The following PUDP variants were observed in gnomAD, a reference collection of about 807,000 sequenced individuals.
PUDP encodes the protein pseudouridine 5'-phosphatase, also known as pseudouridine-5'-phosphatase.
In PUDP, 8 loss-of-function variants were observed where a neutral mutation model predicts 9.4. That is an observed-to-expected ratio of 0.85 (90% CI 0.50 to 1.53). PUDP has a LOEUF of 1.53. Among genes scored for constraint, PUDP ranks in the 40% most tolerant of loss-of-function variants. The pLI, the probability that PUDP is intolerant of heterozygous loss-of-function variation, is 0.00. For missense variants in PUDP, 188 were observed against 189.7 expected, an observed-to-expected ratio of 0.99 and a Z score of 0.05; for synonymous variants, 99 against 80.7, an observed-to-expected ratio of 1.23 and a Z score of -1.22.
chrX:6,768,150 C>T (rs181687149), intron 3 of PUDP, among the ~76,000 whole-genome samples: 4 of 111,955 alleles, frequency 3.6e-5, no homozygotes, highest in East Asian at 2.8e-4. Context: ...CAACCAGGGG[C>T]GATTTTGTTC....
At chrX:6,714,971 A>G (rs1439667248) in intron 1 of PUDP, among the ~76,000 whole-genome samples, 3 of 100,657 alleles carry the variant, frequency 3.0e-5, no homozygotes, top group Admixed American at 1.1e-4. Flanking sequence ...ATGTGTGTGT[A>G]TGTGTGTGTG....
chrX:7,002,254 A>G (rs1032762598), intron 1 of PUDP, among the ~76,000 whole-genome samples: 4 of 112,228 alleles, frequency 3.6e-5, no homozygotes, highest in African/African-American at 1.3e-4. Context: ...TTTTATACTC[A>G]TCAGATTGGC....
intron 1 of PUDP, among the ~76,000 whole-genome samples, chrX:6,709,156 C>T (rs1050696249): frequency 4.5e-5 from 5 of 111,829 alleles, no homozygotes; most frequent in African/African-American, 1.6e-4. Flanking sequence ...TGTCACTCCC[C>T]CCACTTCAAA....
chrX:7,140,514 C>A (rs1338105363), intron 1 of PUDP, among the ~76,000 whole-genome samples: 2 of 110,568 alleles, frequency 1.8e-5, no homozygotes, highest in Non-Finnish European at 3.8e-5. Context: ...TGCTTTAAGT[C>A]TCCATCTACT....
At chrX:6,764,589 C>G (rs1925262528) in intron 3 of PUDP, among the ~76,000 whole-genome samples, 5 of 112,066 alleles carry the variant, frequency 4.5e-5, no homozygotes, top group Admixed American at 3.8e-4. Flanking sequence ...GTGGGTTAAA[C>G]AAGGCTAGTT....
chrX:7,113,570 C>G (rs951590533), intron 1 of PUDP, among the ~76,000 whole-genome samples: 2 of 112,605 alleles, frequency 1.8e-5, no homozygotes, highest in Non-Finnish European at 3.8e-5. Flanking sequence ...TGTAAAACCA[C>G]ATTTTAAAGT....
chrX:6,759,031 G>A (rs769145660), intron 3 of PUDP, among the ~76,000 whole-genome samples: 1 of 112,081 alleles, frequency 8.9e-6, no homozygotes, highest in South Asian at 3.7e-4. Context: ...CTAATCAGAG[G>A]ACAGATCCTA....
intron 3 of PUDP, among the ~76,000 whole-genome samples, chrX:6,956,743 C>G (rs1928634409): frequency 8.9e-6 from 1 of 112,229 alleles, no homozygotes; most frequent in Non-Finnish European, 1.9e-5. Context: ...ATCCCTCTGA[C>G]TATGGCCCAA....
At chrX:6,838,742 T>C (rs1477491949) in intron 3 of PUDP, among the ~76,000 whole-genome samples, 1 of 112,002 alleles carries the variant, frequency 8.9e-6, no homozygotes, top group Non-Finnish European at 1.9e-5. Flanking sequence ...GTTGGCTATC[T>C]GGGGATTGTC....
At chrX:6,913,454 A>G (rs2146758728) in intron 3 of PUDP, among the ~76,000 whole-genome samples, 1 of 112,093 alleles carries the variant, frequency 8.9e-6, no homozygotes, top group East Asian at 2.8e-4. Context: ...GAGATACTCC[A>G]AGTCCTAATT....
intron 3 of PUDP, among the ~76,000 whole-genome samples, chrX:6,932,906 G>A (rs1928220872): frequency 9.1e-6 from 1 of 110,462 alleles, no homozygotes; most frequent in African/African-American, 3.3e-5. Flanking sequence ...AGGCGGCAAC[G>A]AGGCTGGGGG....
chrX:6,939,250 T>C (rs1422117720), intron 3 of PUDP, among the ~76,000 whole-genome samples: 1 of 108,825 alleles, frequency 9.2e-6, no homozygotes, highest in Non-Finnish European at 1.9e-5. Flanking sequence ...CATAAAACCA[T>C]AGCATTAGAT....
At chrX:6,951,975 A>G (rs1012013701) in intron 3 of PUDP, among the ~76,000 whole-genome samples, 3 of 111,812 alleles carry the variant, frequency 2.7e-5, no homozygotes, top group Non-Finnish European at 5.6e-5. Context: ...GAGAAGACAC[A>G]TATTAAAACT....
At chrX:7,093,736 G>A (rs1009445476) in intron 2 of PUDP, among the ~76,000 whole-genome samples, 3 of 111,604 alleles carry the variant, frequency 2.7e-5, no homozygotes, top group Non-Finnish European at 5.6e-5. Context: ...AGGTCCTTGA[G>A]GTAAGGATTT....
intron 1 of PUDP, among the ~76,000 whole-genome samples, chrX:6,994,288 C>A (rs906936787): frequency 8.9e-6 from 1 of 111,740 alleles, no homozygotes; most frequent in Non-Finnish European, 1.9e-5. Flanking sequence ...TGGCATGCAT[C>A]TGTAGTCGCA....
At chrX:6,954,976 C>G (rs1329917784) in intron 3 of PUDP, among the ~76,000 whole-genome samples, 1 of 55,583 alleles carries the variant, frequency 1.8e-5, no homozygotes, top group Non-Finnish European at 3.7e-5. Context: ...GTCAAAGACC[C>G]TGCCCCCCTA....
intron 3 of PUDP, among the ~76,000 whole-genome samples, chrX:6,800,549 G>T (rs761304973): frequency 8.8e-4 from 99 of 112,064 alleles, no homozygotes; most frequent in African/African-American, 3.0e-3. Flanking sequence ...TCTCTGCAAT[G>T]TTTCGGTTCT....
intron 1 of PUDP, among the ~76,000 whole-genome samples, chrX:7,142,641 ATTTTTTTTTT>A (rs57612819): frequency 1.1e-4 from 9 of 80,955 alleles, no homozygotes; most frequent in Non-Finnish European, 1.1e-4. Flanking sequence ...GAGGACTCCA[ATTTTTTTTTT>A]TTTTTTTTTT....
At chrX:7,128,678 G>A (rs181050353) in intron 1 of PUDP, among the ~76,000 whole-genome samples, 21 of 111,781 alleles carry the variant, frequency 1.9e-4, no homozygotes, top group African/African-American at 6.8e-4. Context: ...AACCTCCTCA[G>A]GTGCATAAAG....
Sources: gnomAD v4.1 joint callset for allele counts (sites outside exome capture counted in the v4.1 genomes callset) on GRCh38, gnomAD v4.1.1 for gene constraint, MANE v1.5 for transcripts, NCBI Gene and HGNC (gene_info 2026-07-23, HGNC 2026-07-21) for gene names.